CLSTN2: variants seen among roughly 807,000 people sequenced by gnomAD.
CLSTN2 encodes calsyntenin-2.
CLSTN2 carries 48 observed loss-of-function variants against 101.2 expected under a neutral mutation model. The observed-to-expected ratio is 0.47, with a 90% CI of 0.38 to 0.60. The LOEUF (loss-of-function observed/expected upper bound fraction) is 0.60, where lower values mean the gene tolerates loss of function less well. Ranked by LOEUF, CLSTN2 falls within the 20% of genes least tolerant of loss-of-function variation. The probability of loss-of-function intolerance (pLI) is 0.00; values close to 1 mark genes in which losing one functional copy is unlikely to be tolerated. For missense variants in CLSTN2, 1,160 were observed against 1,238.2 expected, an observed-to-expected ratio of 0.94 and a Z score of 0.95; for synonymous variants, 481 against 463.6, an observed-to-expected ratio of 1.04 and a Z score of -0.48.
At chr3:140,404,269 G>A (rs535229049) in intron 3 of CLSTN2, among the ~76,000 whole-genome samples, 3 of 152,364 alleles carry the variant, frequency 2.0e-5, no homozygotes, top group Admixed American at 2.0e-4. Context: ...GAATGGAGGA[G>A]TGGATGAATA....
At chr3:140,223,492 T>G (rs1576472953) in intron 2 of CLSTN2, among the ~76,000 whole-genome samples, 1 of 152,140 alleles carries the variant, frequency 6.6e-6, no homozygotes, top group Non-Finnish European at 1.5e-5. Flanking sequence ...TTCTGCATGC[T>G]CCGAGAGATG....
chr3:140,356,561 C>G (rs2087672150), intron 2 of CLSTN2, among the ~76,000 whole-genome samples: 1 of 152,014 alleles, frequency 6.6e-6, no homozygotes, highest in Admixed American at 6.6e-5. Context: ...AGTTCGAGAA[C>G]AGCCTGACCA....
intron 6 of CLSTN2, among the ~76,000 whole-genome samples, chr3:140,451,836 CA>C (rs1466299807): frequency 6.6e-6 from 1 of 152,166 alleles, no homozygotes; most frequent in African/African-American, 2.4e-5. Context: ...CTGCCATGAC[CA>C]TTTAAGCCTC....
At chr3:140,174,781 C>T (rs989994696) in intron 1 of CLSTN2, among the ~76,000 whole-genome samples, 2 of 152,134 alleles carry the variant, frequency 1.3e-5, no homozygotes, top group Non-Finnish European at 2.9e-5. Flanking sequence ...CTGGGTCCCT[C>T]CCACAACATG....
At chr3:140,355,201 C>A (rs1013644383) in intron 2 of CLSTN2, among the ~76,000 whole-genome samples, 7 of 152,162 alleles carry the variant, frequency 4.6e-5, no homozygotes, top group African/African-American at 1.7e-4. Flanking sequence ...CTTAGAATGT[C>A]ATTTTTTATT....
chr3:140,534,880 C>A (rs530384643), intron 9 of CLSTN2, among the ~76,000 whole-genome samples: 1 of 152,310 alleles, frequency 6.6e-6, no homozygotes, highest in East Asian at 1.9e-4. Flanking sequence ...CTCTTTCCCA[C>A]GTAGAAAATA....
At chr3:140,229,138 A>T (rs1038015401) in intron 2 of CLSTN2, among the ~76,000 whole-genome samples, 2 of 152,158 alleles carry the variant, frequency 1.3e-5, no homozygotes, top group African/African-American at 4.8e-5. Context: ...GAGCATAAGC[A>T]TGAGTTCCAG....
intron 2 of CLSTN2, among the ~76,000 whole-genome samples, chr3:140,223,473 G>A (rs956825126): frequency 6.6e-6 from 1 of 152,090 alleles, no homozygotes; most frequent in African/African-American, 2.4e-5. Context: ...TTGGGTACTG[G>A]GGCACTCATT....
chr3:140,106,605 G>T lies in CLSTN2; in HGVS notation c.110-69346G>T, dbSNP rs113393596. 2.1e-3 allele frequency among the ~76,000 whole-genome samples: 317 copies of T among 152,290 alleles called. 1 individual carries two copies. Among genetic ancestry groups the T allele is most frequent in the African/African-American group, 7.4e-3 (307 of 41,544 alleles). On this transcript the variant is annotated intron_variant, in intron 1 of 16. Transcript: ENST00000458420. ...GCAGTGGCCCTTTCCAGAAGACAAGGTTCCTCTCCAGGATGGCCCACAGGA... is the reference window on the plus strand; with the variant it reads ...GCAGTGGCCCTTTCCAGAAGACAAGTTTCCTCTCCAGGATGGCCCACAGGA...
intron 2 of CLSTN2, among the ~76,000 whole-genome samples, chr3:140,293,133 A>C (rs986729594): frequency 7.2e-5 from 11 of 152,224 alleles, no homozygotes; most frequent in Admixed American, 6.5e-4. Context: ...TGCAAGCTGA[A>C]TCTTCAGGGT....
intron 2 of CLSTN2, among the ~76,000 whole-genome samples, chr3:140,209,548 A>G (rs1338398945): frequency 2.0e-5 from 3 of 152,162 alleles, no homozygotes; most frequent in Admixed American, 6.5e-5. Context: ...ATAGCTTTAT[A>G]CATACTTGCA....
chr3:140,562,677 A>G (rs1197669868), intron 13 of CLSTN2, 134 bp from the exon 14 acceptor site: 8 of 947,160 alleles, frequency 8.4e-6, no homozygotes, highest in Admixed American at 2.6e-5. Flanking sequence ...GTCTGCCCAA[A>G]ATATCTTGAG....
At chr3:140,041,742 G>T (rs2007765383) in intron 1 of CLSTN2, among the ~76,000 whole-genome samples, 1 of 152,132 alleles carries the variant, frequency 6.6e-6, no homozygotes, top group African/African-American at 2.4e-5. Flanking sequence ...CTGTGTCATT[G>T]TGGACCATGA....
rs946382090 is a variant in CLSTN2 at position 140,302,333 on chromosome 3, A to C, written c.233-101296A>C. ...TGACATACAGGGACCATATTTATGA[A>C]CTACATAGTTGAATAAAGTTGGGTT... On this transcript the variant is annotated intron_variant, in intron 2 of 16. Coordinates refer to ENST00000458420, the MANE Select transcript of CLSTN2 (RefSeq NM_022131.3). 2.0e-4 allele frequency among the ~76,000 whole-genome samples: 30 copies of C among 152,214 alleles called. 1 individual carries two copies. The highest frequency in any genetic ancestry group is 1.8e-3 in the Admixed American group (27 of 15,288).
At chr3:140,320,493 T>C (rs2087271660) in intron 2 of CLSTN2, among the ~76,000 whole-genome samples, 1 of 152,014 alleles carries the variant, frequency 6.6e-6, no homozygotes, top group South Asian at 2.1e-4. Context: ...ACTTTTTACC[T>C]GTTGGCACTG....
intron 5 of CLSTN2, among the ~76,000 whole-genome samples, chr3:140,431,430 G>A (rs2088627271): frequency 6.6e-6 from 1 of 152,154 alleles, no homozygotes; most frequent in African/African-American, 2.4e-5. Flanking sequence ...TCCTTAAAGA[G>A]AATTCAGCAT....
intron 1 of CLSTN2, among the ~76,000 whole-genome samples, chr3:140,142,109 C>T (rs1167155129): frequency 6.6e-6 from 1 of 152,104 alleles, no homozygotes; most frequent in East Asian, 1.9e-4. Flanking sequence ...TATTCATTTG[C>T]GATTTGTATA....
Position 140,563,176 on chromosome 3 carries a change from T to A in CLSTN2, c.2455T>A (p.Ser819Thr). Residue 819 changes from serine to threonine, a missense_variant, in exon 15 of 17, where the codon TCC becomes ACC. Transcript: ENST00000458420. ...CCTCCAGTCTGTCCATCATCCTGAGTCCCGGAGTAGCATCCAGCACAGTTC... is the reference window on the plus strand; with the variant it reads ...CCTCCAGTCTGTCCATCATCCTGAGACCCGGAGTAGCATCCAGCACAGTTC... ...PFLQSVHHPE[S>T]RSSIQHSSVV... The A allele has an allele frequency of 6.2e-7, 1 of 1,614,022 alleles. No individual in the cohort carries two copies.
At chr3:140,106,284 T>C (rs538811971) in intron 1 of CLSTN2, among the ~76,000 whole-genome samples, 1 of 152,332 alleles carries the variant, frequency 6.6e-6, no homozygotes, top group South Asian at 2.1e-4. Flanking sequence ...CCCTGACAGC[T>C]GATCCTAGGA....
Sources: allele counts gnomAD v4.1 joint callset (sites outside exome capture counted in the v4.1 genomes callset), GRCh38; gene constraint gnomAD v4.1.1; transcripts MANE v1.5; gene names NCBI Gene and HGNC (gene_info 2026-07-23, HGNC 2026-07-21).